The following PUM1 variants were observed in gnomAD, a reference collection of about 807,000 sequenced individuals.
PUM1 encodes pumilio homolog 1.
A neutral mutation model predicts 131.8 loss-of-function variants in PUM1; 13 were observed. That is an observed-to-expected ratio of 0.10 (90% CI 0.06 to 0.16). PUM1 has a LOEUF of 0.16. PUM1 is among the 10% of genes least tolerant of loss of function. PUM1 has a pLI of 1.00. For missense variants in PUM1, 961 were observed against 1,512.4 expected, an observed-to-expected ratio of 0.64 and a Z score of 6.05; for synonymous variants, 509 against 556.5, an observed-to-expected ratio of 0.91 and a Z score of 1.20.
chr1:31,062,612 T>C (rs1298505095), intron 1 of PUM1, among the ~76,000 whole-genome samples: 2 of 103,616 alleles, frequency 1.9e-5, no homozygotes, highest in Admixed American at 9.6e-5. Context: ...AGAGTGAGAC[T>C]CCATCTCAAA....
intron 20 of PUM1, among the ~76,000 whole-genome samples, 174 bp from the exon 21 acceptor site, chr1:30,937,009 G>A (rs1639238772): frequency 1.3e-5 from 2 of 152,148 alleles, no homozygotes; most frequent in South Asian, 4.1e-4. Flanking sequence ...CTCTCCACCT[G>A]TGCCATCTGT....
chr1:31,022,232 T>C (rs1229834383), intron 3 of PUM1, among the ~76,000 whole-genome samples: 1 of 152,210 alleles, frequency 6.6e-6, no homozygotes, highest in African/African-American at 2.4e-5. Flanking sequence ...TCGATAATGA[T>C]ATCATATAGA....
At chr1:30,934,747 C>A (rs556026090) in intron 21 of PUM1, among the ~76,000 whole-genome samples, 1 of 152,278 alleles carries the variant, frequency 6.6e-6, no homozygotes, top group South Asian at 2.1e-4. Context: ...AAATCCAATC[C>A]ATTCCTCTGT....
At chr1:31,026,504 TATTC>T (rs1418632129) in intron 3 of PUM1, among the ~76,000 whole-genome samples, 1 of 152,222 alleles carries the variant, frequency 6.6e-6, no homozygotes, top group Non-Finnish European at 1.5e-5. Flanking sequence ...TTTATATGTA[TATTC>T]ATTGTTTCCT....
chr1:30,988,643 T>C (rs1641658811), intron 7 of PUM1, among the ~76,000 whole-genome samples: 1 of 152,224 alleles, frequency 6.6e-6, no homozygotes, highest in Non-Finnish European at 1.5e-5. Context: ...CAGTACTGTC[T>C]GAGACTTCCA....
chr1:31,021,112 A>C (rs1570287490), intron 3 of PUM1, among the ~76,000 whole-genome samples: 1 of 152,268 alleles, frequency 6.6e-6, no homozygotes, highest in African/African-American at 2.4e-5. Context: ...TATATTAAAC[A>C]AAAGATCCTT....
intron 10 of PUM1, among the ~76,000 whole-genome samples, chr1:30,973,778 C>T (rs1463007115): frequency 6.6e-6 from 1 of 151,516 alleles, no homozygotes; most frequent in South Asian, 2.1e-4. Context: ...TTCTAGTTTA[C>T]CACAGTTTCT....
chr1:30,949,026 T>C (rs1220051387), intron 17 of PUM1: 1 of 454,654 alleles, frequency 2.2e-6, no homozygotes, highest in African/African-American at 2.0e-5. Flanking sequence ...CTTTAAAAAC[T>C]TTGGACTTCT....
At chr1:31,054,500 A>T (rs564770793) in intron 2 of PUM1, among the ~76,000 whole-genome samples, 2 of 147,558 alleles carry the variant, frequency 1.4e-5, no homozygotes, top group East Asian at 4.1e-4. Flanking sequence ...TGCCAATTCG[A>T]TCTCAAACTT....
chr1:31,030,606 G>C (rs1643388568), intron 2 of PUM1, among the ~76,000 whole-genome samples: 1 of 152,026 alleles, frequency 6.6e-6, no homozygotes, highest in Non-Finnish European at 1.5e-5. Context: ...AGCTACTCCG[G>C]AGGCTGAGGT....
intron 2 of PUM1, among the ~76,000 whole-genome samples, chr1:31,043,018 C>G (rs913285441): frequency 1.3e-5 from 2 of 151,936 alleles, no homozygotes; most frequent in African/African-American, 4.8e-5. Context: ...CCACGCCTAG[C>G]CAGAAACAAT....
At chr1:30,938,067 C>T (rs1220504347) in intron 20 of PUM1, among the ~76,000 whole-genome samples, 6 of 152,168 alleles carry the variant, frequency 3.9e-5, no homozygotes, top group African/African-American at 1.4e-4. Context: ...CCACCGCACC[C>T]GGCCCTATTT....
intron 14 of PUM1, among the ~76,000 whole-genome samples, chr1:30,956,812 G>C (rs1640183847): frequency 6.6e-6 from 1 of 152,152 alleles, no homozygotes; most frequent in South Asian, 2.1e-4. Context: ...GGTCCTTGGT[G>C]ACAATGTTTA....
intron 2 of PUM1, among the ~76,000 whole-genome samples, chr1:31,034,316 G>A (rs1305294083): frequency 6.6e-6 from 1 of 152,138 alleles, no homozygotes; most frequent in African/African-American, 2.4e-5. Flanking sequence ...GTATCACTGA[G>A]TTGGGGAGTT....
chr1:31,059,710 T>C lies in PUM1; in HGVS notation c.-11-133A>G, dbSNP rs1019575458. ...TGGTGGCATGCACTCTGGCAAGGTA[T>C]TGGGATCAGAACTCAATACTACCAC... On this transcript the variant is annotated intron_variant, in intron 1 of 21. Transcript: ENST00000426105. 15 of 1,064,492 alleles carry C rather than the reference T, an allele frequency of 1.4e-5. No homozygotes were observed. The African/African-American group carries it at 2.1e-4, about 15-fold the overall frequency. 65.9% of individuals were successfully genotyped at this position (1,064,492 alleles called of 1,614,324 possible). A position where few individuals can be genotyped will look rare whatever the true frequency, so the allele number is the denominator to read the frequency against.
At chr1:31,033,376 C>CTTTTTTTTTT (rs748444500) in intron 2 of PUM1, among the ~76,000 whole-genome samples, 3 of 102,554 alleles carry the variant, frequency 2.9e-5, no homozygotes, top group Non-Finnish European at 5.6e-5. Flanking sequence ...AGCTAATTTT[C>CTTTTTTTTTT]TTTTTTTTTT....
At chr1:30,949,129 C>A in intron 17 of PUM1, 1 of 432,852 alleles carries the variant, frequency 2.3e-6, no homozygotes, top group Non-Finnish European at 4.6e-6. Context: ...TGGCTCAGAA[C>A]TTGAGTCCAT....
At chr1:31,000,968 C>T (rs558295333) in intron 5 of PUM1, among the ~76,000 whole-genome samples, 5 of 152,148 alleles carry the variant, frequency 3.3e-5, no homozygotes, top group East Asian at 1.9e-4. Context: ...GGGCGGATCA[C>T]GAGGTCAGGA....
intron 2 of PUM1, among the ~76,000 whole-genome samples, chr1:31,056,546 G>C (rs567602405): frequency 6.8e-6 from 1 of 146,596 alleles, no homozygotes; most frequent in Non-Finnish European, 1.5e-5. Context: ...ACCTCCCAAA[G>C]TGTTGAGATT....
Sources: gnomAD v4.1 joint callset for allele counts (sites outside exome capture counted in the v4.1 genomes callset) on GRCh38, gnomAD v4.1.1 for gene constraint, MANE v1.5 for transcripts, NCBI Gene and HGNC (gene_info 2026-07-23, HGNC 2026-07-21) for gene names.